The following RTP5 variants were observed in gnomAD, a reference collection of about 807,000 sequenced individuals.
RTP5 encodes the protein receptor-transporting protein 5.
Under a neutral mutation model 23.5 loss-of-function variants are expected in RTP5, and 30 were observed. The observed-to-expected ratio is 1.27, with a 90% CI of 0.95 to 1.73. RTP5 has a LOEUF of 1.73. Among genes scored for constraint, RTP5 ranks in the 40% most tolerant of loss-of-function variants. The pLI is 0.00. For missense variants in RTP5, 807 were observed against 784.2 expected (o/e 1.03, Z -0.35); for synonymous variants, 354 against 342.1 (o/e 1.03, Z -0.38).
rs4973697 is a variant in RTP5, at chr2:241,869,928, T to A, written c.158+14T>A. 6.7e-7 allele frequency: 1 copy of A among 1,490,736 alleles called. No individual in the cohort carries two copies. Among genetic ancestry groups the A allele is most frequent in the Non-Finnish European group, 8.9e-7 (1 of 1,124,396 alleles). The allele number at this position is 1,490,736 out of a possible 1,614,324, so 92.3% of individuals were successfully genotyped here. ...GGGGCTCTCGAGGTGCGGCCAGAGG[T>A]TGGGGACCCTGGGAGAGGCAGGGGG... On this transcript the variant is annotated intron_variant, in intron 1 of 1. Transcript: ENST00000343216.
Position 241,871,712 on chromosome 2 carries a change from A to G in RTP5, c.159-2A>G. The G allele has an allele frequency of 6.3e-7, 1 of 1,598,212 alleles. No individual in the cohort carries two copies. Among genetic ancestry groups the G allele is most frequent in the Non-Finnish European group, 8.5e-7 (1 of 1,172,884 alleles). On this transcript the variant is annotated splice_acceptor_variant, in intron 1 of 1. Transcript: ENST00000343216. LOFTEE classifies it high-confidence loss of function. ...TCACACACACTTCTTTCCCCGCCGC[A>G]GGCTCCAGTGCGGTCACTGTCCGGG...
chr2:241,871,608 C>T (rs925523213), intron 1 of RTP5, 106 bp from the exon 2 acceptor site: 19 of 1,374,226 alleles, frequency 1.4e-5, no homozygotes, highest in East Asian at 2.7e-5. Flanking sequence ...CAGGGGGCAG[C>T]GAGGCGCTGG....
Position 241,872,468 on chromosome 2 carries a change from G to A in RTP5, c.913G>A (p.Gly305Ser). Residue 305 changes from glycine to serine, a missense_variant, in exon 2 of 2, where the codon GGC (glycine) becomes AGC (serine). By Grantham distance (56) the Gly-to-Ser change is moderately conservative. Coordinates refer to ENST00000343216, the MANE Select transcript of RTP5 (RefSeq NM_173821.3). ...CTGCAGCCCGGTTGGCGTGGCCCAG[G>A]GCTGGGGCCCCATCTCCCTCAACAA... ...SLCSPVGVAQ[G>S]WGPISLNNGL... 1 of 1,598,480 alleles carries A rather than the reference G, an allele frequency of 6.3e-7. No individual in the cohort carries two copies. The highest frequency in any genetic ancestry group is 2.2e-5 in the East Asian group (1 of 44,690).
At position 241,873,388 on chromosome 2, in the gene RTP5, G is replaced by T; in HGVS notation, c.*114G>T. The T allele has an allele frequency of 2.2e-6, 2 of 917,878 alleles. No homozygotes were observed. The highest frequency in any genetic ancestry group is 1.6e-4 in the East Asian group (2 of 12,656). 56.9% of individuals were successfully genotyped at this position (917,878 alleles called of 1,614,324 possible). ...CCTCCGAGACCCCGCCTCCACCTCC[G>T]AGACCCCTTTCTCTGAGACCCCCGC... On this transcript the variant is annotated 3_prime_UTR_variant, in exon 2 of 2. Coordinates refer to ENST00000343216, the MANE Select transcript of RTP5 (RefSeq NM_173821.3).
chr2:241,873,292 A>G lies in RTP5; in HGVS notation c.*18A>G, dbSNP rs759554175. 1 of 1,554,252 alleles carries G rather than the reference A, an allele frequency of 6.4e-7. No homozygotes were observed. Among genetic ancestry groups the G allele is most frequent in the Non-Finnish European group, 8.7e-7 (1 of 1,152,430 alleles). On this transcript the variant is annotated 3_prime_UTR_variant, in exon 2 of 2. Transcript: ENST00000343216. ...AAGTGTGACGCCCCGAAGTTCAGGC[A>G]ACCCTCGCCTCTGGGACCCCGCCTC...
intron 1 of RTP5, 131 bp downstream of exon 1, chr2:241,870,045 C>A: frequency 1.3e-6 from 1 of 790,406 alleles, no homozygotes; most frequent in East Asian, 3.5e-5. Context: ...GAGGGTGGGG[C>A]TGGGTGCTCC....
chr2:241,870,888 A>C, intron 1 of RTP5: 1 of 468,178 alleles, frequency 2.1e-6, no homozygotes, highest in Non-Finnish European at 4.4e-6. Flanking sequence ...CTCTGTGGCC[A>C]GTGTGGTTGG....
In RTP5 at chr2:241,869,933, G is replaced by A; in HGVS notation, c.158+19G>A. 6.8e-7 allele frequency: 1 copy of A among 1,479,670 alleles called. No homozygotes were observed. The highest frequency in any genetic ancestry group is 8.9e-7 in the Non-Finnish European group (1 of 1,119,514). 91.7% of individuals were successfully genotyped at this position (1,479,670 alleles called of 1,614,324 possible). On this transcript the variant is annotated intron_variant, in intron 1 of 1. Transcript: ENST00000343216. The stretch of plus-strand genomic sequence containing the variant: ...TCTCGAGGTGCGGCCAGAGGTTGGG[G>A]ACCCTGGGAGAGGCAGGGGGCTGAA...
Position 241,873,232 on chromosome 2 carries a change from C to T in RTP5, c.1677C>T (p.Cys559=). ...SMTVCVFWLM[C]MCRLNPGIYP... is the part of the protein sequence containing the mutation. ...CCGTGTGCGTCTTCTGGCTGATGTG[C>T]ATGTGTCGGCTGAACCCCGGGATCT... Residue 559 remains cysteine (C), a synonymous_variant, in exon 2 of 2, where the codon TGC becomes TGT. Transcript: ENST00000343216. 6.3e-7 allele frequency: 1 copy of T among 1,598,364 alleles called. No individual in the cohort carries two copies. Among genetic ancestry groups the T allele is most frequent in the Non-Finnish European group, 8.5e-7 (1 of 1,176,408 alleles).
In RTP5 at chr2:241,872,212, T is replaced by G; in HGVS notation, c.657T>G (p.Ala219=). ...CCAGCAATGACCAGGTGCCCATCGC[T>G]GAGGGCCCTGCCCCCCCTGCGGGGG... The part of the protein sequence containing the change: ...VGTSNDQVPI[A]EGPAPPAGAS... The change falls in exon 2 of 2, where the codon GCT becomes GCG. Residue 219 remains alanine, a synonymous_variant. Coordinates refer to ENST00000343216, the MANE Select transcript of RTP5 (RefSeq NM_173821.3). 6.2e-7 allele frequency: 1 copy of G among 1,610,802 alleles called. No individual in the cohort carries two copies. Among genetic ancestry groups the G allele is most frequent in the Non-Finnish European group, 8.5e-7 (1 of 1,178,362 alleles).
In RTP5 at chr2:241,872,032, C is replaced by G. The variant is rs995169596; in HGVS notation, c.477C>G (p.Asp159Glu). The G allele has an allele frequency of 1.3e-6, 2 of 1,566,658 alleles. No homozygotes were observed. The highest frequency in any genetic ancestry group is 2.7e-5 in the African/African-American group (2 of 73,950). Residue 159 changes from aspartate (D) to glutamate (E), a missense_variant, in exon 2 of 2, where the codon GAC becomes GAG. Asp to Glu is a conservative substitution (Grantham distance 45). Coordinates refer to ENST00000343216, the MANE Select transcript of RTP5 (RefSeq NM_173821.3). ...TCTGCTTCCTCCAGAAGGCCCCAGACCCCGCCTGGAGCGCCAACGCCACAA... is the reference window on the plus strand; with the variant it reads ...TCTGCTTCCTCCAGAAGGCCCCAGAGCCCGCCTGGAGCGCCAACGCCACAA... Reference protein sequence around the residue: ...LGVCFLQKAPDPAWSANATKG... With the variant: ...LGVCFLQKAPEPAWSANATKG...
rs1356039006 is a variant in RTP5 at position 241,872,033 on chromosome 2, C to A, written c.478C>A (p.Pro160Thr). Residue 160 changes from proline to threonine, a missense_variant, in exon 2 of 2, where the codon CCC becomes ACC. Coordinates refer to ENST00000343216, the MANE Select transcript of RTP5 (RefSeq NM_173821.3). ...CTGCTTCCTCCAGAAGGCCCCAGACCCCGCCTGGAGCGCCAACGCCACAAA... is the reference window on the plus strand; with the variant it reads ...CTGCTTCCTCCAGAAGGCCCCAGACACCGCCTGGAGCGCCAACGCCACAAA... ...GVCFLQKAPD[P>T]AWSANATKGN... 2 of 1,566,384 alleles carry A rather than the reference C, an allele frequency of 1.3e-6. No homozygotes were observed. The highest frequency in any genetic ancestry group is 1.7e-6 in the Non-Finnish European group (2 of 1,151,128).
intron 1 of RTP5, 149 bp from the exon 2 acceptor site, chr2:241,871,565 G>GTGAGGTT (rs1701316885): frequency 8.8e-6 from 10 of 1,135,854 alleles, no homozygotes; most frequent in South Asian, 8.4e-5. Flanking sequence ...TGGCTGGGGG[G>GTGAGGTT]TGAGGTTTGA....
In RTP5 at chr2:241,872,049, A is replaced by G. The variant is rs774381881; in HGVS notation, c.494A>G (p.Asn165Ser). 5 of 1,565,482 alleles carry G rather than the reference A, an allele frequency of 3.2e-6. No homozygotes were observed. Among genetic ancestry groups the G allele is most frequent in the Admixed American group, 3.6e-5 (2 of 55,004 alleles). Reference sequence around the variant, plus strand: ...GCCCCAGACCCCGCCTGGAGCGCCAACGCCACAAAAGGCAACTTCCCCGCC... The same window carrying G: ...GCCCCAGACCCCGCCTGGAGCGCCAGCGCCACAAAAGGCAACTTCCCCGCC... ...QKAPDPAWSA[N>S]ATKGNFPATA... Residue 165 changes from asparagine (N) to serine (S), a missense_variant, in exon 2 of 2, where the codon AAC becomes AGC. Asn to Ser is a conservative substitution (Grantham distance 46). Transcript: ENST00000343216.
rs1701365285 is a variant in RTP5 at position 241,873,365 on chromosome 2, TCCGAGACCCCGCCTC to T, written c.*93_*107del. ...CCGCCTTTGAGATGCCCGCCCCGCC[TCCGAGACCCCGCCTC>T]CACCTCCGAGACCCCTTTCTCTGAG... is the stretch of plus-strand genomic sequence containing the variant. On this transcript the variant is annotated 3_prime_UTR_variant, in exon 2 of 2. Coordinates refer to ENST00000343216, the MANE Select transcript of RTP5 (RefSeq NM_173821.3). 8.5e-7 allele frequency: 1 copy of T among 1,179,562 alleles called. No individual in the cohort carries two copies. The highest frequency in any genetic ancestry group is 3.6e-5 in the African/African-American group (1 of 28,162). The allele number at this position is 1,179,562 out of a possible 1,614,324, so 73.1% of individuals were successfully genotyped here.
In RTP5 at chr2:241,873,706, G is replaced by A. The variant is rs1041824256; in HGVS notation, c.*432G>A. The A allele has an allele frequency of 2.4e-5, 4 of 164,848 alleles. No individual in the cohort carries two copies. Among genetic ancestry groups the A allele is most frequent in the South Asian group, 1.1e-4 (1 of 9,314 alleles). 10.2% of individuals were successfully genotyped at this position (164,848 alleles called of 1,614,324 possible). A position where few individuals can be genotyped will look rare whatever the true frequency, so the allele number is the denominator to read the frequency against. ...GCCTCACCTCTGAGACCCCGCCCCC[G>A]CCAGCAGCTCAGCCCCTCCTGTCTC... On this transcript the variant is annotated 3_prime_UTR_variant, in exon 2 of 2. Coordinates refer to ENST00000343216, the MANE Select transcript of RTP5 (RefSeq NM_173821.3).
chr2:241,870,539 T>C (rs2124886936), intron 1 of RTP5, among the ~76,000 whole-genome samples: 1 of 152,354 alleles, frequency 6.6e-6, no homozygotes, highest in African/African-American at 2.4e-5. Context: ...TGCTGGCTGG[T>C]CCGTCCCTCT....
rs770909126 is a variant in RTP5 at position 241,872,906 on chromosome 2, G to A, written c.1351G>A (p.Ala451Thr). 5.8e-5 allele frequency: 94 copies of A among 1,612,778 alleles called. No homozygotes were observed. Among genetic ancestry groups the A allele is most frequent in the Admixed American group, 3.7e-4 (22 of 60,000 alleles). The change falls in exon 2 of 2, where the codon GCG (alanine) becomes ACG (threonine). Residue 451 changes from alanine to threonine, a missense_variant. Coordinates refer to ENST00000343216, the MANE Select transcript of RTP5 (RefSeq NM_173821.3). Reference sequence around the variant, plus strand: ...AGAGAAGGAAGGTGGCCTGGTCACCGCGGGTCACGACGCCCCTCTGGAGGC... The same window carrying A: ...AGAGAAGGAAGGTGGCCTGGTCACCACGGGTCACGACGCCCCTCTGGAGGC... Reference protein sequence around the residue: ...GKEKEGGLVTAGHDAPLEANA... With the variant: ...GKEKEGGLVTTGHDAPLEANA...
Position 241,872,208 on chromosome 2 carries a change from T to A in RTP5, c.653T>A (p.Ile218Asn). The change falls in exon 2 of 2, where the codon ATC (isoleucine) becomes AAC (asparagine). Residue 218 changes from isoleucine to asparagine, a missense_variant. Ile to Asn is a moderately radical substitution (Grantham distance 149, BLOSUM62 -3). Coordinates refer to ENST00000343216, the MANE Select transcript of RTP5 (RefSeq NM_173821.3). ...GGTACCAGCAATGACCAGGTGCCCA[T>A]CGCTGAGGGCCCTGCCCCCCCTGCG... is the stretch of plus-strand genomic sequence containing the variant. Reference protein sequence around the residue: ...LVGTSNDQVPIAEGPAPPAGA... With the variant: ...LVGTSNDQVPNAEGPAPPAGA... 6.2e-7 allele frequency: 1 copy of A among 1,611,134 alleles called. No individual in the cohort carries two copies. Among genetic ancestry groups the A allele is most frequent in the Non-Finnish European group, 8.5e-7 (1 of 1,178,714 alleles).
Sources: gnomAD v4.1 joint callset for allele counts (sites outside exome capture counted in the v4.1 genomes callset) on GRCh38, gnomAD v4.1.1 for gene constraint, MANE v1.5 for transcripts, NCBI Gene and HGNC (gene_info 2026-07-23, HGNC 2026-07-21) for gene names.